Variants in SLC60A2 observed in about 807,000 individuals in gnomAD.
The protein encoded by SLC60A2 is major facilitator superfamily domain containing 4B.
chr6:111,275,530 C>T, the SLC60A2 span, among the ~76,000 whole-genome samples: 4 of 151,892 alleles, frequency 2.6e-5, no homozygotes, highest in Non-Finnish European at 4.4e-5. Context: ...CTGCCCCAGC[C>T]TCCCGAGTAG....
At chr6:111,261,625 G>C in the SLC60A2 span, among the ~76,000 whole-genome samples, 2 of 151,854 alleles carry the variant, frequency 1.3e-5, no homozygotes, top group African/African-American at 4.8e-5. Context: ...ACAGAGTCTC[G>C]CTCTGTCGCC....
At chr6:111,262,549 C>T in the SLC60A2 span, 1 of 838,628 alleles carries the variant, frequency 1.2e-6, no homozygotes, top group Non-Finnish European at 1.9e-6. Context: ...TTTAGGTGTC[C>T]TCAATGGCAG....
At chr6:111,266,552 G>A in the SLC60A2 span, 1 of 1,614,162 alleles carries the variant, frequency 6.2e-7, no homozygotes, top group Non-Finnish European at 8.5e-7. Flanking sequence ...CAGTGTATGG[G>A]GCTTCAATGG....
chr6:111,276,449 C>A, the SLC60A2 span, among the ~76,000 whole-genome samples: 1 of 152,078 alleles, frequency 6.6e-6, no homozygotes, highest in Non-Finnish European at 1.5e-5. Flanking sequence ...AGACTTTAGG[C>A]GCATTATGAT....
the SLC60A2 span, among the ~76,000 whole-genome samples, chr6:111,260,356 G>T: frequency 6.6e-6 from 1 of 152,214 alleles, no homozygotes; most frequent in South Asian, 2.1e-4. Context: ...TCTTCCTGGT[G>T]ATCTGACCAA....
the SLC60A2 span, among the ~76,000 whole-genome samples, chr6:111,261,276 T>C: frequency 2.0e-4 from 31 of 152,326 alleles, no homozygotes; most frequent in Non-Finnish European, 3.7e-4. Context: ...TCCAGAAATA[T>C]TGCTGTTTAA....
the SLC60A2 span, chr6:111,266,177 A>G: frequency 6.2e-7 from 1 of 1,612,328 alleles, no homozygotes; most frequent in Admixed American, 1.7e-5. Flanking sequence ...GTCTGTTTTT[A>G]AAGAATAGCT....
chr6:111,259,844 G>GA, the SLC60A2 span: 1 of 752,794 alleles, frequency 1.3e-6, no homozygotes, highest in Non-Finnish European at 2.0e-6. Flanking sequence ...TCATCATCTA[G>GA]AAAATGGGCA....
the SLC60A2 span, among the ~76,000 whole-genome samples, chr6:111,271,775 T>TAAAAAAAAAA: frequency 8.1e-3 from 153 of 18,842 alleles, 23 homozygotes; most frequent in Non-Finnish European, 9.5e-3. Context: ...CCATCTCTAC[T>TAAAAAAAAAA]AAAAAAAAAA....
the SLC60A2 span, chr6:111,262,562 G>C: frequency 1.3e-6 from 1 of 744,308 alleles, no homozygotes; most frequent in Non-Finnish European, 2.3e-6. Flanking sequence ...AATGGCAGTT[G>C]AGTTTCCCTG....
the SLC60A2 span, chr6:111,266,419 T>C: frequency 9.9e-6 from 16 of 1,614,170 alleles, no homozygotes; most frequent in Non-Finnish European, 1.4e-5. Context: ...GGCCTGGCAA[T>C]CTTTTTTGCT....
the SLC60A2 span, chr6:111,266,237 A>G: frequency 2.5e-6 from 4 of 1,614,196 alleles, no homozygotes; most frequent in South Asian, 4.4e-5. Flanking sequence ...GAAGAGCAAA[A>G]TATCACAACG....
the SLC60A2 span, chr6:111,265,789 T>TCA: frequency 3.9e-6 from 4 of 1,037,308 alleles, no homozygotes; most frequent in South Asian, 1.6e-5. Flanking sequence ...TAAAATAGAC[T>TCA]CACCCCCTTT....
chr6:111,270,851 A>C, the SLC60A2 span: 1 of 152,186 alleles, frequency 6.6e-6, no homozygotes, highest in Admixed American at 6.6e-5. Flanking sequence ...TCAAAAAAAA[A>C]AAACAAAAAT....
At chr6:111,266,902 A>G in the SLC60A2 span, 33 of 1,613,972 alleles carry the variant, frequency 2.0e-5, no homozygotes, top group Non-Finnish European at 2.5e-5. Context: ...GAGGATGCAG[A>G]AAAATGGAAT....
At chr6:111,265,121 G>T in the SLC60A2 span, 1 of 195,604 alleles carries the variant, frequency 5.1e-6, no homozygotes, top group African/African-American at 2.4e-5. Flanking sequence ...GATGACATCT[G>T]TTTACTCCTA....
the SLC60A2 span, chr6:111,262,308 G>A: frequency 2.2e-5 from 35 of 1,614,004 alleles, no homozygotes; most frequent in African/African-American, 6.7e-5. Flanking sequence ...GGCAACAAAC[G>A]TGAACCGAAA....
chr6:111,265,901 T>C, the SLC60A2 span: 2 of 1,611,974 alleles, frequency 1.2e-6, no homozygotes, highest in African/African-American at 1.3e-5. Context: ...TCTTGGCTAT[T>C]TGGGGGGACA....
chr6:111,262,169 CT>C, the SLC60A2 span: 1,545 of 1,061,654 alleles, frequency 1.5e-3, 1 homozygote, highest in African/African-American at 3.2e-3. Context: ...CTCCGCCCCC[CT>C]TTTTTTTTAT....
Sources: allele counts gnomAD v4.1 joint callset (sites outside exome capture counted in the v4.1 genomes callset), GRCh38; gene constraint gnomAD v4.1.1; transcripts MANE v1.5; gene names NCBI Gene and HGNC (gene_info 2026-07-23, HGNC 2026-07-21).